DGUOK: variants seen among roughly 807,000 people sequenced by gnomAD.
DGUOK encodes the protein deoxyguanosine kinase.
A neutral mutation model predicts 36.6 loss-of-function variants in DGUOK; 30 were observed. That is an observed-to-expected ratio of 0.82 (90% CI 0.61 to 1.11). The LOEUF (loss-of-function observed/expected upper bound fraction) is 1.11, where lower values mean the gene tolerates loss of function less well. DGUOK is among the 50% of genes most tolerant of loss of function. The pLI, the probability that DGUOK is intolerant of heterozygous loss-of-function variation, is 0.00. For missense variants in DGUOK, 361 were observed against 336.4 expected, an observed-to-expected ratio of 1.07 and a Z score of -0.57; for synonymous variants, 145 against 126.3, an observed-to-expected ratio of 1.15 and a Z score of -0.99.
chr2:73,958,727 G>T lies in DGUOK; in HGVS notation c.825G>T (p.Lys275Asn), dbSNP rs769603983. Residue 275 changes from lysine (K) to asparagine (N), a missense_variant, in exon 7 of 7, where the codon AAG (lysine) becomes AAT (asparagine). Coordinates refer to ENST00000264093, the MANE Select transcript of DGUOK (RefSeq NM_080916.3). Reference sequence around the variant, plus strand: ...TCCCACAGGTAAACACCTTTGTAAAGAATCTGTAACCAATACCATGAAGTT... The same window carrying T: ...TCCCACAGGTAAACACCTTTGTAAATAATCTGTAACCAATACCATGAAGTT... ...DLMREVNTFV[K>N]NL The T allele has an allele frequency of 1.2e-6, 2 of 1,612,082 alleles. No individual in the cohort carries two copies. Among genetic ancestry groups the T allele is most frequent in the African/African-American group, 1.3e-5 (1 of 74,998 alleles).
intron 1 of DGUOK, among the ~76,000 whole-genome samples, chr2:73,930,457 TTTTGTACTGTAC>T (rs1680919357): frequency 1.3e-5 from 2 of 152,168 alleles, no homozygotes; most frequent in African/African-American, 4.8e-5. Flanking sequence ...AAATATGATG[TTTTGTACTGTAC>T]TTTGAGAAAC....
At chr2:73,935,087 TAAAC>T (rs10701633) in intron 1 of DGUOK, among the ~76,000 whole-genome samples, 2 of 151,100 alleles carry the variant, frequency 1.3e-5, no homozygotes, top group South Asian at 2.1e-4. Context: ...AATAAATAAA[TAAAC>T]AAACAATATA....
intron 4 of DGUOK, among the ~76,000 whole-genome samples, chr2:73,953,719 CTTTTTTTTTTTTTT>C (rs386390474): frequency 1.0e-5 from 1 of 95,788 alleles, no homozygotes; most frequent in African/African-American, 3.9e-5. Context: ...TCCCTAACTT[CTTTTTTTTTTTTTT>C]TTTTTTTTGA....
intron 2 of DGUOK, among the ~76,000 whole-genome samples, chr2:73,941,295 G>A (rs1310928230): frequency 6.6e-6 from 1 of 152,156 alleles, no homozygotes; most frequent in Non-Finnish European, 1.5e-5. Flanking sequence ...AAACCCTGAG[G>A]CCCAGCCACC....
At chr2:73,950,271 G>A (rs1573558392) in intron 3 of DGUOK, among the ~76,000 whole-genome samples, 1 of 152,282 alleles carries the variant, frequency 6.6e-6, no homozygotes, top group East Asian at 1.9e-4. Context: ...CTGGTTTCTA[G>A]CAGAGAAAAT....
chr2:73,941,113 G>C lies in DGUOK; in HGVS notation c.255+2091G>C, dbSNP rs1681872654. Among the ~76,000 whole-genome samples the C allele has an allele frequency of 3.3e-5, 5 of 152,308 alleles. No individual in the cohort carries two copies. The South Asian group carries it at 1.0e-3, about 32-fold the overall frequency. ...ACACTGTAGCTTCCATCTTGTTCTG[G>C]GGGAAGCCAGCTGCCATGTCAGGAA... On this transcript the variant is annotated intron_variant, in intron 2 of 6. Transcript: ENST00000264093.
chr2:73,943,980 C>G (rs920495120), intron 2 of DGUOK, among the ~76,000 whole-genome samples: 1 of 152,010 alleles, frequency 6.6e-6, no homozygotes, highest in African/African-American at 2.4e-5. Flanking sequence ...ATACTCTTTT[C>G]TTTTTCTTTA....
intron 1 of DGUOK, among the ~76,000 whole-genome samples, chr2:73,933,331 G>T (rs750850797): frequency 2.0e-5 from 3 of 152,224 alleles, no homozygotes; most frequent in Admixed American, 6.5e-5. Context: ...TTCAGTCTCT[G>T]TCTTCAAAAG....
At position 73,946,917 on chromosome 2, in the gene DGUOK, A is replaced by C; in HGVS notation, c.443+11A>C. 1.2e-6 allele frequency: 2 copies of C among 1,605,534 alleles called. No individual in the cohort carries two copies. Among genetic ancestry groups the C allele is most frequent in the South Asian group, 2.2e-5 (2 of 89,806 alleles). ...TGTGTACAGTGACAGGTAAAATGCC[A>C]AGCCCTCCACCAGTCACAAGCCCCA... On this transcript the variant is annotated intron_variant, in intron 3 of 6. Coordinates refer to ENST00000264093, the MANE Select transcript of DGUOK (RefSeq NM_080916.3).
rs185528569 is a variant in DGUOK at position 73,932,805 on chromosome 2, G to A, written c.142+5753G>A. ...GTGAAGTAGCAACTAATGGCATCTA[G>A]CATGACTTACGAAGCCATATAAGAT... On this transcript the variant is annotated intron_variant, in intron 1 of 6. Coordinates refer to ENST00000264093, the MANE Select transcript of DGUOK (RefSeq NM_080916.3). The A allele has an allele frequency of 1.4e-4, 54 of 386,488 alleles. No individual in the cohort carries two copies. In the Admixed American group the frequency reaches 2.1e-3, roughly 15 times the overall value. The allele number at this position is 386,488 out of a possible 1,614,324, so 23.9% of individuals were successfully genotyped here.
intron 4 of DGUOK, among the ~76,000 whole-genome samples, chr2:73,955,941 A>G (rs113755848): frequency 2.6e-5 from 4 of 152,312 alleles, no homozygotes; most frequent in African/African-American, 7.2e-5. Context: ...ATGATATTGA[A>G]TAATGAAATG....
At chr2:73,951,745 A>T (rs1249419560) in intron 4 of DGUOK, among the ~76,000 whole-genome samples, 1 of 152,204 alleles carries the variant, frequency 6.6e-6, no homozygotes, top group African/African-American at 2.4e-5. Context: ...ACCAGGAAAA[A>T]AGGCCCTTGA....
At chr2:73,956,399 C>T (rs971841452) in intron 4 of DGUOK, among the ~76,000 whole-genome samples, 14 of 152,130 alleles carry the variant, frequency 9.2e-5, no homozygotes, top group Admixed American at 8.5e-4. Flanking sequence ...CTGCTTTGAA[C>T]CCTGGGGCTA....
rs1465838846 is a variant in DGUOK at position 73,926,904 on chromosome 2, G to A, written c.-7G>A. 1 of 1,613,422 alleles carries A rather than the reference G, an allele frequency of 6.2e-7. No homozygotes were observed. Among genetic ancestry groups the A allele is most frequent in the Non-Finnish European group, 8.5e-7 (1 of 1,180,036 alleles). On this transcript the variant is annotated 5_prime_UTR_variant, in exon 1 of 7. Transcript: ENST00000264093. ...CGGAAGTGATCGCTGTGTGAATCGT[G>A]GGTGGGATGGCCGCGGGCCGCCTCT...
In DGUOK at chr2:73,938,930, G is replaced by A; in HGVS notation, c.163G>A (p.Val55Met). 1 of 1,613,758 alleles carries A rather than the reference G, an allele frequency of 6.2e-7. No homozygotes were observed. ...GNIAVGKSTFVKLLTKTYPEW... is the reference protein window; with the variant it reads ...GNIAVGKSTFMKLLTKTYPEW... The stretch of plus-strand genomic sequence containing the variant: ...TGCAGCTGTGGGAAAGTCCACGTTT[G>A]TGAAGTTACTCACGAAAACTTACCC... Residue 55 changes from valine (V) to methionine (M), a missense_variant, in exon 2 of 7, where the codon GTG becomes ATG. Physicochemically the swap from Val to Met is conservative, Grantham distance 21 (BLOSUM62 1). Coordinates refer to ENST00000264093, the MANE Select transcript of DGUOK (RefSeq NM_080916.3).
intron 1 of DGUOK, among the ~76,000 whole-genome samples, chr2:73,937,619 G>C (rs1358526153): frequency 6.6e-6 from 1 of 152,212 alleles, no homozygotes; most frequent in African/African-American, 2.4e-5. Context: ...TGGGATACAG[G>C]AGGAAGCTCA....
chr2:73,930,794 C>CTT (rs1028341314), intron 1 of DGUOK, among the ~76,000 whole-genome samples: 13 of 35,662 alleles, frequency 3.6e-4, no homozygotes, highest in African/African-American at 5.2e-4. Context: ...TTTTTTTTTT[C>CTT]TTTTTTTTTT....
At chr2:73,930,229 A>T (rs1056064847) in intron 1 of DGUOK, among the ~76,000 whole-genome samples, 5 of 152,222 alleles carry the variant, frequency 3.3e-5, no homozygotes, top group African/African-American at 9.6e-5. Flanking sequence ...TCATCAGCTA[A>T]GAGTGAATGT....
At chr2:73,942,494 A>C (rs1039566511) in intron 2 of DGUOK, among the ~76,000 whole-genome samples, 7 of 152,082 alleles carry the variant, frequency 4.6e-5, no homozygotes, top group African/African-American at 1.4e-4. Context: ...TTTTGTTTTT[A>C]TTGTGACTGA....
Sources: gnomAD v4.1 joint callset for allele counts (sites outside exome capture counted in the v4.1 genomes callset) on GRCh38, gnomAD v4.1.1 for gene constraint, MANE v1.5 for transcripts, NCBI Gene and HGNC (gene_info 2026-07-23, HGNC 2026-07-21) for gene names.